ATRNL1: variants seen among roughly 807,000 people sequenced by gnomAD.
The protein encoded by ATRNL1 is attractin like 1.
A neutral mutation model predicts 182.7 loss-of-function variants in ATRNL1; 95 were observed. That is an observed-to-expected ratio of 0.52 (90% CI 0.44 to 0.62). The LOEUF (loss-of-function observed/expected upper bound fraction) is 0.62. Among genes scored for constraint, ATRNL1 ranks in the 20% least tolerant of loss-of-function variants. The pLI is 0.00. For missense variants in ATRNL1, 1,471 were observed against 1,679.5 expected (o/e 0.88, Z 2.17); for synonymous variants, 576 against 568.3 (o/e 1.01, Z -0.19).
At chr10:115,421,540 C>T (rs1429637212) in intron 20 of ATRNL1, among the ~76,000 whole-genome samples, 1 of 152,136 alleles carries the variant, frequency 6.6e-6, no homozygotes, top group African/African-American at 2.4e-5. Context: ...AGAGGGAACA[C>T]ACCTCAACAT....
At chr10:115,915,397 CAA>C (rs1378695623) in intron 28 of ATRNL1, among the ~76,000 whole-genome samples, 1 of 127,792 alleles carries the variant, frequency 7.8e-6, no homozygotes. Context: ...GACTCCATCT[CAA>C]AAAAAAAAAA....
At chr10:115,212,941 C>T (rs1849088345) in intron 8 of ATRNL1, among the ~76,000 whole-genome samples, 1 of 151,954 alleles carries the variant, frequency 6.6e-6, no homozygotes, top group South Asian at 2.1e-4. Flanking sequence ...ACAACAAACC[C>T]CCGTGACATA....
chr10:115,711,970 G>C (rs1207736436), intron 26 of ATRNL1, among the ~76,000 whole-genome samples: 1 of 152,076 alleles, frequency 6.6e-6, no homozygotes, highest in Non-Finnish European at 1.5e-5. Flanking sequence ...AAAACCATAA[G>C]TAAAGTCTAA....
intron 26 of ATRNL1, among the ~76,000 whole-genome samples, chr10:115,593,786 G>A (rs1856059389): frequency 6.6e-6 from 1 of 152,080 alleles, no homozygotes; most frequent in Non-Finnish European, 1.5e-5. Flanking sequence ...ATAATTCTGA[G>A]ATGGTTGTCA....
intron 27 of ATRNL1, among the ~76,000 whole-genome samples, chr10:115,838,010 G>T (rs75139705): frequency 0.016 from 2,497 of 152,162 alleles, 83 homozygotes; most frequent in African/African-American, 0.057. Context: ...TATGCTAAGT[G>T]CCTTATTCTT....
chr10:115,516,840 T>C (rs1554984009), intron 24 of ATRNL1, among the ~76,000 whole-genome samples: 1 of 151,902 alleles, frequency 6.6e-6, no homozygotes, highest in African/African-American at 2.4e-5. Flanking sequence ...ACCCCTTTAG[T>C]GAGGCCAGCA....
intron 28 of ATRNL1, among the ~76,000 whole-genome samples, chr10:115,893,375 T>C (rs930887707): frequency 1.6e-4 from 24 of 152,172 alleles, no homozygotes; most frequent in African/African-American, 5.3e-4. Flanking sequence ...ATGAGTATGA[T>C]GCAGAGGAAA....
At chr10:115,558,894 A>T (rs534475023) in intron 26 of ATRNL1, among the ~76,000 whole-genome samples, 28 of 152,172 alleles carry the variant, frequency 1.8e-4, no homozygotes, top group African/African-American at 6.7e-4. Flanking sequence ...TGTGACTAGC[A>T]CTTCTCATCC....
At chr10:115,410,963 C>T (rs1262551468) in intron 20 of ATRNL1, among the ~76,000 whole-genome samples, 4 of 152,030 alleles carry the variant, frequency 2.6e-5, no homozygotes, top group Non-Finnish European at 4.4e-5. Flanking sequence ...GTCTCAAACT[C>T]CTGACCTCGT....
chr10:115,833,260 C>T (rs1412351703), intron 27 of ATRNL1, among the ~76,000 whole-genome samples: 1 of 152,136 alleles, frequency 6.6e-6, no homozygotes, highest in African/African-American at 2.4e-5. Flanking sequence ...TATTATTATT[C>T]TCTTTTATAG....
At chr10:115,281,334 C>A (rs1554916708) in intron 13 of ATRNL1, 21 bp from the exon 14 acceptor site, 1 of 1,601,632 alleles carries the variant, frequency 6.2e-7, no homozygotes, top group South Asian at 1.1e-5. Context: ...TGAAAAATAA[C>A]ATGCTCTTTT....
intron 28 of ATRNL1, among the ~76,000 whole-genome samples, chr10:115,870,433 C>A (rs1951553165): frequency 6.6e-6 from 1 of 152,148 alleles, no homozygotes; most frequent in African/African-American, 2.4e-5. Flanking sequence ...GCAAAGTATA[C>A]CAATATGTAG....
At chr10:115,635,460 T>C (rs1170835001) in intron 26 of ATRNL1, among the ~76,000 whole-genome samples, 1 of 152,120 alleles carries the variant, frequency 6.6e-6, no homozygotes, top group East Asian at 1.9e-4. Context: ...ATCTATCAAA[T>C]GGCTAAAATG....
At chr10:115,935,759 A>G (rs973869548) in intron 28 of ATRNL1, among the ~76,000 whole-genome samples, 1 of 152,246 alleles carries the variant, frequency 6.6e-6, no homozygotes, top group Non-Finnish European at 1.5e-5. Context: ...GAAAATGATA[A>G]AAGTCAATTA....
chr10:115,798,631 C>T (rs1267440872), intron 27 of ATRNL1, among the ~76,000 whole-genome samples: 2 of 152,154 alleles, frequency 1.3e-5, no homozygotes, highest in Non-Finnish European at 1.5e-5. Context: ...TGCCTTTGCT[C>T]ATCCTGGAGG....
intron 27 of ATRNL1, among the ~76,000 whole-genome samples, chr10:115,787,135 C>G (rs1949416631): frequency 6.6e-6 from 1 of 152,164 alleles, no homozygotes; most frequent in Non-Finnish European, 1.5e-5. Context: ...GTTACTTTAA[C>G]ACATCAATCA....
At chr10:115,864,077 G>A (rs1951377725) in intron 28 of ATRNL1, among the ~76,000 whole-genome samples, 1 of 152,086 alleles carries the variant, frequency 6.6e-6, no homozygotes, top group African/African-American at 2.4e-5. Context: ...CGGTCAATAT[G>A]ATAAAAACCT....
At chr10:115,663,224 A>C (rs1462135258) in intron 26 of ATRNL1, among the ~76,000 whole-genome samples, 1 of 152,102 alleles carries the variant, frequency 6.6e-6, no homozygotes, top group Admixed American at 6.6e-5. Flanking sequence ...CAAAGAATTT[A>C]GATAACTTGA....
chr10:115,369,504 G>A (rs546824886), intron 19 of ATRNL1, among the ~76,000 whole-genome samples: 182 of 152,196 alleles, frequency 1.2e-3, no homozygotes, highest in African/African-American at 4.2e-3. Flanking sequence ...TTGTATCTTT[G>A]CTAGTGTGAA....
Sources: gnomAD v4.1 joint callset for allele counts (sites outside exome capture counted in the v4.1 genomes callset) on GRCh38, gnomAD v4.1.1 for gene constraint, MANE v1.5 for transcripts, NCBI Gene and HGNC (gene_info 2026-07-23, HGNC 2026-07-21) for gene names.